The following THUMPD3 variants were observed in gnomAD, a reference collection of about 807,000 sequenced individuals.
THUMPD3 encodes the protein THUMP domain 3 tRNA guanosine methyltransferase.
THUMPD3 carries 44 observed loss-of-function variants against 54.5 expected under a neutral mutation model. That is an observed-to-expected ratio of 0.81 (90% CI 0.63 to 1.04). The LOEUF (loss-of-function observed/expected upper bound fraction) is 1.04, where lower values mean the gene tolerates loss of function less well. Ranked by LOEUF, THUMPD3 falls within the 50% of genes least tolerant of loss-of-function variation. The probability of loss-of-function intolerance (pLI) is 0.00; values close to 1 mark genes in which losing one functional copy is unlikely to be tolerated. For synonymous variants in THUMPD3, 196 were observed against 201.4 expected (o/e 0.97, Z 0.23); for missense variants, 604 against 601.3 (o/e 1.00, Z -0.05).
chr3:9,377,990 TGGACC>T, intron 6 of THUMPD3, 102 bp downstream of exon 6: 1 of 944,108 alleles, frequency 1.1e-6, no homozygotes. Flanking sequence ...GTTGGATCAG[TGGACC>T]CAAGAGTTTT....
At chr3:9,365,449 T>G in intron 2 of THUMPD3, 129 bp downstream of exon 2, 1 of 1,170,406 alleles carries the variant, frequency 8.5e-7, no homozygotes, top group Non-Finnish European at 1.2e-6. Flanking sequence ...GATTTTAAAG[T>G]TACTGCATTT....
intron 7 of THUMPD3, among the ~76,000 whole-genome samples, chr3:9,381,620 G>GT (rs970710787): frequency 1.4e-5 from 2 of 140,572 alleles, no homozygotes; most frequent in Non-Finnish European, 1.5e-5. Flanking sequence ...TTTATTGAGG[G>GT]TTTTTTTTAA....
chr3:9,378,005 T>A (rs2032610984), intron 6 of THUMPD3, 117 bp downstream of exon 6: 3 of 795,184 alleles, frequency 3.8e-6, no homozygotes, highest in Non-Finnish European at 6.1e-6. Flanking sequence ...CCAAGAGTTT[T>A]AAAACAATTA....
chr3:9,384,661 AG>A lies in THUMPD3; in HGVS notation c.1499del (p.Gly500GlufsTer12). The A allele has an allele frequency of 4.3e-6, 7 of 1,614,218 alleles. No homozygotes were observed. Among genetic ancestry groups the A allele is most frequent in the Non-Finnish European group, 5.9e-6 (7 of 1,180,042 alleles). ...ATCCTTCAGAACAAGACGGAGAAAG[AG>A]GAACTCTTTGGCAATGCAAAGAATG... The part of the protein sequence containing the change: ...VHPSEQDGER[G>X]TLWQCKE On this transcript the variant is annotated frameshift_variant, in exon 10 of 10. Transcript: ENST00000452837. LOFTEE classifies it high-confidence loss of function.
In THUMPD3 at chr3:9,385,819, G is replaced by A. The variant is rs552445625; in HGVS notation, c.*1131G>A. 2 of 152,244 alleles carry A rather than the reference G, an allele frequency of 1.3e-5. No homozygotes were observed. Among genetic ancestry groups the A allele is most frequent in the Admixed American group, 1.3e-4 (2 of 15,296 alleles). 9.4% of individuals were successfully genotyped at this position (152,244 alleles called of 1,614,324 possible). ...ATATCTTTGGAAAACTTTTAATTTG[G>A]GAGTTATGTGAGTTGTTACTTTCTC... is the stretch of plus-strand genomic sequence containing the variant. On this transcript the variant is annotated 3_prime_UTR_variant, in exon 10 of 10. Transcript: ENST00000452837.
intron 4 of THUMPD3, 71 bp downstream of exon 4, chr3:9,371,607 A>G: frequency 7.9e-7 from 1 of 1,266,706 alleles, no homozygotes; most frequent in Non-Finnish European, 1.1e-6. Context: ...AGACTAACCC[A>G]ATGTTATGCA....
chr3:9,363,098 G>A lies in THUMPD3; in HGVS notation c.-83G>A, dbSNP rs987941642. On this transcript the variant is annotated 5_prime_UTR_variant, in exon 1 of 10. Transcript: ENST00000452837. ...TGACCGCAAGAGGCCAATGGAGTGT[G>A]GGAGCTGAAAGGGTCTTCGCTGGCG... The A allele has an allele frequency of 1.3e-5, 2 of 152,472 alleles. No homozygotes were observed. Among genetic ancestry groups the A allele is most frequent in the Non-Finnish European group, 2.9e-5 (2 of 68,250 alleles). 9.4% of individuals were successfully genotyped at this position (152,472 alleles called of 1,614,324 possible). A position where few individuals can be genotyped will look rare whatever the true frequency, so the allele number is the denominator to read the frequency against.
chr3:9,365,136 T>C lies in THUMPD3; in HGVS notation c.68T>C (p.Val23Ala), dbSNP rs763930200. 2.5e-6 allele frequency: 4 copies of C among 1,614,102 alleles called. No homozygotes were observed. Among genetic ancestry groups the C allele is most frequent in the Non-Finnish European group, 3.4e-6 (4 of 1,180,046 alleles). Reference protein sequence around the residue: ...DVNLHENQKSVQVTESDLGSE... With the variant: ...DVNLHENQKSAQVTESDLGSE... ...AACCTTCATGAGAACCAGAAGTCTG[T>C]ACAAGTGACAGAAAGTGACCTCGGA... Residue 23 changes from valine (V) to alanine (A), a missense_variant, in exon 2 of 10, where the codon GTA (valine) becomes GCA (alanine). By Grantham distance (64) the Val-to-Ala change is moderately conservative. Coordinates refer to ENST00000452837, the MANE Select transcript of THUMPD3 (RefSeq NM_001114092.2).
chr3:9,372,592 A>C (rs2032142657), intron 4 of THUMPD3, among the ~76,000 whole-genome samples: 1 of 152,106 alleles, frequency 6.6e-6, no homozygotes, highest in Non-Finnish European at 1.5e-5. Context: ...AAAAAAAAAA[A>C]AGTGCATTTT....
At chr3:9,366,285 C>A (rs2031559042) in intron 2 of THUMPD3, among the ~76,000 whole-genome samples, 2 of 152,254 alleles carry the variant, frequency 1.3e-5, no homozygotes, top group South Asian at 4.1e-4. Context: ...TATCTCATTA[C>A]CACATAAGCA....
In THUMPD3 at chr3:9,386,415, T is replaced by C. The variant is rs2125342796; in HGVS notation, c.*1727T>C. The C allele has an allele frequency of 8.4e-6, 1 of 119,098 alleles. No homozygotes were observed. Among genetic ancestry groups the C allele is most frequent in the African/African-American group, 3.2e-5 (1 of 30,998 alleles). 7.4% of individuals were successfully genotyped at this position (119,098 alleles called of 1,614,324 possible). A position where few individuals can be genotyped will look rare whatever the true frequency, so the allele number is the denominator to read the frequency against. ...ACTCCACCCCCCACTAAGGGCAGGG[T>C]ATTGTATCTGCCAGACTGGGTATTT... On this transcript the variant is annotated 3_prime_UTR_variant, in exon 10 of 10. Transcript: ENST00000452837.
intron 4 of THUMPD3, among the ~76,000 whole-genome samples, chr3:9,373,026 C>A (rs946501259): frequency 6.6e-6 from 1 of 152,114 alleles, no homozygotes; most frequent in East Asian, 1.9e-4. Flanking sequence ...GCAGGCAGAT[C>A]GCTTGAGCCC....
chr3:9,383,368 T>C (rs2125335297), intron 8 of THUMPD3, 59 bp downstream of exon 8: 2 of 1,362,162 alleles, frequency 1.5e-6, no homozygotes, highest in East Asian at 2.3e-5. Context: ...CTTGCGTTTA[T>C]TCTAAGTCAG....
At chr3:9,384,377 T>C (rs2033173339) in intron 9 of THUMPD3, 42 bp downstream of exon 9, 3 of 1,598,010 alleles carry the variant, frequency 1.9e-6, no homozygotes, top group African/African-American at 1.3e-5. Context: ...TGTGGCAACT[T>C]TGGGATCTTT....
At chr3:9,383,176 G>A (rs773164264) in intron 7 of THUMPD3, 23 bp from the exon 8 acceptor site, 40 of 1,550,684 alleles carry the variant, frequency 2.6e-5, no homozygotes, top group Non-Finnish European at 3.5e-5. Flanking sequence ...GTATGTTGAA[G>A]CACCTTTCCT....
At chr3:9,382,379 T>A (rs932504716) in intron 7 of THUMPD3, among the ~76,000 whole-genome samples, 1 of 152,156 alleles carries the variant, frequency 6.6e-6, no homozygotes, top group Non-Finnish European at 1.5e-5. Context: ...TTTATTATTA[T>A]TCATTCTGTC....
At chr3:9,368,234 A>G (rs921071923) in intron 3 of THUMPD3, among the ~76,000 whole-genome samples, 6 of 151,874 alleles carry the variant, frequency 4.0e-5, no homozygotes, top group South Asian at 2.1e-4. Flanking sequence ...GGGTCTCACT[A>G]TGTTGCCCAG....
At chr3:9,373,306 G>A (rs967750626) in intron 4 of THUMPD3, among the ~76,000 whole-genome samples, 2 of 151,740 alleles carry the variant, frequency 1.3e-5, no homozygotes, top group Non-Finnish European at 2.9e-5. Flanking sequence ...CAGCCTAGGC[G>A]ACATAGGGAG....
At chr3:9,379,341 G>A (rs769168121) in intron 6 of THUMPD3, among the ~76,000 whole-genome samples, 6 of 152,090 alleles carry the variant, frequency 3.9e-5, no homozygotes, top group Non-Finnish European at 8.8e-5. Context: ...TGATGTCATC[G>A]TAGGATTGTA....
Sources: gnomAD v4.1 joint callset for allele counts (sites outside exome capture counted in the v4.1 genomes callset) on GRCh38, gnomAD v4.1.1 for gene constraint, MANE v1.5 for transcripts, NCBI Gene and HGNC (gene_info 2026-07-23, HGNC 2026-07-21) for gene names.